The following DNAH9 variants were observed in gnomAD, a reference collection of about 807,000 sequenced individuals.
DNAH9 encodes the protein DNAH9 variant protein.
In DNAH9, 345 loss-of-function variants were observed where a neutral mutation model predicts 471.6. That is an observed-to-expected ratio of 0.73 (90% CI 0.67 to 0.80). The LOEUF is 0.80. Ranked by LOEUF, DNAH9 falls within the 30% of genes least tolerant of loss-of-function variation. The pLI is 0.00. For missense variants in DNAH9, 5,407 were observed against 5,609.2 expected (o/e 0.96, Z 1.15); for synonymous variants, 2,093 against 2,123.6 (o/e 0.99, Z 0.40).
chr17:11,700,958 T>C (rs2074583349), intron 23 of DNAH9, among the ~76,000 whole-genome samples, 164 bp from the exon 24 acceptor site: 1 of 152,164 alleles, frequency 6.6e-6, no homozygotes, highest in African/African-American at 2.4e-5. Context: ...CCATCCCGGA[T>C]TACGTAAACA....
chr17:11,682,112 T>C (rs1320822913), intron 19 of DNAH9, among the ~76,000 whole-genome samples: 1 of 152,178 alleles, frequency 6.6e-6, no homozygotes, highest in Non-Finnish European at 1.5e-5. Context: ...TGATTCTAAA[T>C]GTGCAGCCCA....
At chr17:11,859,723 A>G (rs1276492292) in intron 50 of DNAH9, among the ~76,000 whole-genome samples, 2 of 152,162 alleles carry the variant, frequency 1.3e-5, no homozygotes, top group African/African-American at 4.8e-5. Context: ...CAAGAGCGGG[A>G]GCAAGAGAGA....
chr17:11,702,955 T>A (rs2074628490), intron 24 of DNAH9, among the ~76,000 whole-genome samples: 1 of 151,884 alleles, frequency 6.6e-6, no homozygotes, highest in Non-Finnish European at 1.5e-5. Flanking sequence ...TAGCCAGGCG[T>A]GGTGGTGGGC....
chr17:11,945,537 C>CA (rs34040154), intron 67 of DNAH9, among the ~76,000 whole-genome samples: 25,690 of 102,066 alleles, frequency 0.25, 2,382 homozygotes, highest in Middle Eastern at 0.32. Flanking sequence ...GATTCCATCT[C>CA]AAAAAAAAAA....
intron 14 of DNAH9, among the ~76,000 whole-genome samples, chr17:11,664,614 G>C (rs1215409154): frequency 6.6e-6 from 1 of 152,152 alleles, no homozygotes; most frequent in African/African-American, 2.4e-5. Context: ...CCTTCCTCAG[G>C]GACAGGTTGT....
At chr17:11,717,870 G>T (rs1334202103) in intron 26 of DNAH9, among the ~76,000 whole-genome samples, 1 of 152,120 alleles carries the variant, frequency 6.6e-6, no homozygotes, top group African/African-American at 2.4e-5. Flanking sequence ...TCAATGGAAT[G>T]ACAACATATA....
intron 42 of DNAH9, among the ~76,000 whole-genome samples, chr17:11,796,750 C>T (rs898246321): frequency 6.6e-6 from 1 of 152,208 alleles, no homozygotes; most frequent in Non-Finnish European, 1.5e-5. Flanking sequence ...GGACTTTTCT[C>T]CTCGACAACC....
intron 59 of DNAH9, among the ~76,000 whole-genome samples, chr17:11,897,717 G>T (rs1973263599): frequency 6.6e-6 from 1 of 152,154 alleles, no homozygotes; most frequent in African/African-American, 2.4e-5. Flanking sequence ...TCTGAGCCTT[G>T]GTTTCCTCAT....
At chr17:11,838,994 CTT>C (rs960462512) in intron 49 of DNAH9, among the ~76,000 whole-genome samples, 29 of 152,266 alleles carry the variant, frequency 1.9e-4, no homozygotes, top group African/African-American at 7.0e-4. Context: ...TCTCTGCACA[CTT>C]TAAGTCTCCA....
chr17:11,799,134 G>A (rs1344080087), intron 43 of DNAH9, among the ~76,000 whole-genome samples: 1 of 151,792 alleles, frequency 6.6e-6, no homozygotes, highest in East Asian at 1.9e-4. Flanking sequence ...TTTTCTTCTA[G>A]CCCACCTCAG....
At chr17:11,769,097 C>G (rs781104511) in intron 37 of DNAH9, 25 bp from the exon 38 acceptor site, 1 of 1,612,328 alleles carries the variant, frequency 6.2e-7, no homozygotes, top group Non-Finnish European at 8.5e-7. Context: ...CCACCCTTGG[C>G]AGGCTTATTG....
chr17:11,762,762 T>TTTTTGTTGTTG (rs1967740395), intron 35 of DNAH9, among the ~76,000 whole-genome samples: 1 of 93,006 alleles, frequency 1.1e-5, no homozygotes, highest in Non-Finnish European at 2.3e-5. Context: ...AGGTGCGTTT[T>TTTTTGTTGTTG]TTTTTTTGTT....
At chr17:11,819,202 A>G (rs1597692199) in intron 45 of DNAH9, among the ~76,000 whole-genome samples, 2 of 152,124 alleles carry the variant, frequency 1.3e-5, no homozygotes, top group East Asian at 3.8e-4. Flanking sequence ...TTGCGAAACA[A>G]TTTGGACAAT....
intron 62 of DNAH9, among the ~76,000 whole-genome samples, chr17:11,929,355 G>A (rs1460731465): frequency 1.3e-5 from 2 of 152,052 alleles, no homozygotes; most frequent in Non-Finnish European, 2.9e-5. Context: ...TTAAATTGTG[G>A]TCTCCAGACC....
intron 60 of DNAH9, 79 bp from the exon 61 acceptor site, chr17:11,905,582 A>G (rs372373527): frequency 4.1e-6 from 6 of 1,464,274 alleles, no homozygotes; most frequent in South Asian, 3.9e-5. Context: ...TTTCATTTCT[A>G]TAGGCCTCTA....
intron 19 of DNAH9, 52 bp from the exon 20 acceptor site, chr17:11,689,514 G>A (rs532858543): frequency 5.3e-6 from 8 of 1,498,112 alleles, no homozygotes; most frequent in Non-Finnish European, 7.2e-6. Context: ...GAGATGCTAG[G>A]AGATGGGCCC....
intron 45 of DNAH9, among the ~76,000 whole-genome samples, chr17:11,816,697 T>C (rs1970112175): frequency 6.6e-6 from 1 of 152,212 alleles, no homozygotes; most frequent in Non-Finnish European, 1.5e-5. Context: ...TATCAGGATC[T>C]CTTTCCTGAA....
intron 49 of DNAH9, chr17:11,853,126 G>C (rs1257333008): frequency 2.0e-5 from 3 of 151,812 alleles, no homozygotes; most frequent in Non-Finnish European, 4.4e-5. Context: ...TTTGGGTGTG[G>C]TATAGAACTG....
At chr17:11,780,948 G>C in intron 38 of DNAH9, 61 bp from the exon 39 acceptor site, 1 of 1,534,166 alleles carries the variant, frequency 6.5e-7, no homozygotes, top group Non-Finnish European at 8.9e-7. Flanking sequence ...AATCTTTGCT[G>C]TCTCAGTACT....
Sources: gnomAD v4.1 joint callset for allele counts (sites outside exome capture counted in the v4.1 genomes callset) on GRCh38, gnomAD v4.1.1 for gene constraint, MANE v1.5 for transcripts, NCBI Gene and HGNC (gene_info 2026-07-23, HGNC 2026-07-21) for gene names.